Variants in NMBR observed in about 807,000 individuals in gnomAD.
NMBR encodes the protein neuromedin-B receptor.
Under a neutral mutation model 20.5 loss-of-function variants are expected in NMBR, and 16 were observed. That is an observed-to-expected ratio of 0.78 (90% CI 0.53 to 1.19). The LOEUF (loss-of-function observed/expected upper bound fraction) is 1.19, where lower values mean the gene tolerates loss of function less well. NMBR is among the 50% of genes most tolerant of loss of function. The pLI is 0.00. For synonymous variants in NMBR, 212 were observed against 196.6 expected (o/e 1.08, Z -0.65); for missense variants, 582 against 499.1 (o/e 1.17, Z -1.58).
intron 1 of NMBR, among the ~76,000 whole-genome samples, chr6:142,138,780 A>G (rs1006696754): frequency 2.6e-5 from 4 of 152,078 alleles, no homozygotes; most frequent in Admixed American, 1.3e-4. Context: ...GTACTTTTTT[A>G]TTGAATGTCA....
intron 1 of NMBR, among the ~76,000 whole-genome samples, chr6:142,123,437 T>C (rs1777979807): frequency 6.6e-6 from 1 of 151,976 alleles, no homozygotes; most frequent in Non-Finnish European, 1.5e-5. Context: ...ATTAACTTAG[T>C]ACATAAAGCA....
intron 1 of NMBR, among the ~76,000 whole-genome samples, chr6:142,129,293 C>T (rs975071200): frequency 7.9e-5 from 12 of 152,114 alleles, no homozygotes; most frequent in African/African-American, 2.9e-4. Flanking sequence ...AATCTGAGCT[C>T]GCCTTCCCTC....
chr6:142,146,310 C>G (rs951392983), intron 1 of NMBR, among the ~76,000 whole-genome samples: 2 of 152,184 alleles, frequency 1.3e-5, no homozygotes, highest in Middle Eastern at 3.4e-3. Context: ...GATTTTGGCT[C>G]TTGGGGATAG....
intron 1 of NMBR, among the ~76,000 whole-genome samples, chr6:142,114,852 C>A (rs1479744099): frequency 6.6e-6 from 1 of 151,972 alleles, no homozygotes; most frequent in Non-Finnish European, 1.5e-5. Flanking sequence ...ATATTCATAG[C>A]AACACTATGA....
At chr6:142,095,750 T>A (rs1207621899) in intron 1 of NMBR, among the ~76,000 whole-genome samples, 4 of 152,248 alleles carry the variant, frequency 2.6e-5, no homozygotes, top group Non-Finnish European at 5.9e-5. Flanking sequence ...CTTGTACCTC[T>A]GGTAGAATTC....
At chr6:142,125,571 C>T (rs922855337) in intron 1 of NMBR, among the ~76,000 whole-genome samples, 2 of 144,422 alleles carry the variant, frequency 1.4e-5, no homozygotes, top group Non-Finnish European at 3.1e-5. Flanking sequence ...ACACTGTTCT[C>T]ACAAATTTCT....
Position 142,088,365 on chromosome 6 carries a change from C to T in NMBR, c.294G>A (p.Pro98=), listed in dbSNP as rs370108261. The change falls in exon 2 of 4, where the codon CCG becomes CCA. Residue 98 remains proline, a synonymous_variant. Coordinates refer to ENST00000258042, the MANE Select transcript of NMBR (RefSeq NM_002511.4). The part of the protein sequence containing the change: ...GDLLLLLTCV[P]VDASRYFFDE... The stretch of plus-strand genomic sequence containing the variant: ...CGAAGAAGTAGCGCGAGGCGTCCAC[C>T]GGGACGCAGGTGAGCAGCAGCAGCA... The T allele has an allele frequency of 6.2e-6, 10 of 1,614,114 alleles. No homozygotes were observed. Among genetic ancestry groups the T allele is most frequent in the Non-Finnish European group, 8.5e-6 (10 of 1,180,014 alleles).
At chr6:142,078,518 T>C in intron 3 of NMBR, 37 bp downstream of exon 3, 2 of 1,194,060 alleles carry the variant, frequency 1.7e-6, no homozygotes, top group Non-Finnish European at 2.4e-6. Context: ...TTACTTGTTC[T>C]GACCACACAC....
At chr6:142,099,711 A>T (rs1421669885) in intron 1 of NMBR, among the ~76,000 whole-genome samples, 1 of 152,208 alleles carries the variant, frequency 6.6e-6, no homozygotes, top group Non-Finnish European at 1.5e-5. Flanking sequence ...ATACTTAATA[A>T]CTTATTCAAA....
At position 142,088,445 on chromosome 6, in the gene NMBR, T is replaced by C. The variant is rs1777243411; in HGVS notation, c.214A>G (p.Ser72Gly). Residue 72 changes from serine (S) to glycine (G), a missense_variant, in exon 2 of 4, where the codon AGC becomes GGC. By Grantham distance (56) the Ser-to-Gly change is moderately conservative. Transcript: ENST00000258042. ...IMLVKIFITN[S>G]AMRSVPNIFI... ...ATGTTGGGGACGCTCCTCATGGCGCTGTTGGTGATGAAGATCTTCACCAGC... is the reference window on the plus strand; with the variant it reads ...ATGTTGGGGACGCTCCTCATGGCGCCGTTGGTGATGAAGATCTTCACCAGC... The C allele has an allele frequency of 6.2e-7, 1 of 1,614,036 alleles. No homozygotes were observed. The highest frequency in any genetic ancestry group is 1.6e-4 in the Middle Eastern group (1 of 6,062).
At chr6:142,100,060 C>T (rs1027463109) in intron 1 of NMBR, among the ~76,000 whole-genome samples, 3 of 152,200 alleles carry the variant, frequency 2.0e-5, no homozygotes, top group African/African-American at 7.2e-5. Context: ...TTATTCAAAA[C>T]ACTGCCAACT....
chr6:142,076,255 A>G (rs968795959), intron 3 of NMBR, among the ~76,000 whole-genome samples: 3 of 152,208 alleles, frequency 2.0e-5, no homozygotes, highest in African/African-American at 7.2e-5. Context: ...GCATTAATAA[A>G]TATTTGACAG....
intron 1 of NMBR, among the ~76,000 whole-genome samples, chr6:142,089,881 C>A (rs1777289796): frequency 6.6e-6 from 1 of 152,194 alleles, no homozygotes; most frequent in Non-Finnish European, 1.5e-5. Context: ...GAATAAATCC[C>A]AGGTGTGGAT....
intron 2 of NMBR, among the ~76,000 whole-genome samples, chr6:142,087,900 C>G (rs953048150): frequency 1.3e-5 from 2 of 152,186 alleles, no homozygotes; most frequent in African/African-American, 4.8e-5. Context: ...AAAGCTTCAA[C>G]AAGATACTCG....
chr6:142,120,429 T>A (rs1472926962), intron 1 of NMBR, among the ~76,000 whole-genome samples: 5 of 151,822 alleles, frequency 3.3e-5, no homozygotes, highest in East Asian at 1.9e-4. Flanking sequence ...ATGGTTAGAA[T>A]TTGCTAAGAG....
intron 1 of NMBR, among the ~76,000 whole-genome samples, chr6:142,142,604 C>G (rs1031140375): frequency 3.3e-5 from 5 of 151,912 alleles, no homozygotes; most frequent in Non-Finnish European, 7.4e-5. Flanking sequence ...AGGCTTTCTA[C>G]TTTTTCCATT....
chr6:142,084,685 A>T (rs1024972592), intron 2 of NMBR, among the ~76,000 whole-genome samples: 4 of 152,222 alleles, frequency 2.6e-5, no homozygotes, highest in African/African-American at 9.6e-5. Context: ...TCCATTCCTA[A>T]GAGTTATTTG....
chr6:142,106,270 A>G (rs1562240625), intron 1 of NMBR, among the ~76,000 whole-genome samples: 1 of 152,172 alleles, frequency 6.6e-6, no homozygotes, highest in Non-Finnish European at 1.5e-5. Context: ...AGAGCAGGGA[A>G]GAAGGGGCTC....
intron 1 of NMBR, among the ~76,000 whole-genome samples, chr6:142,114,241 T>C (rs534644773): frequency 1.5e-4 from 23 of 152,318 alleles, no homozygotes; most frequent in Admixed American, 1.2e-3. Flanking sequence ...GCAATCTCCA[T>C]GGGTCAAGGC....
Sources: gnomAD v4.1 joint callset for allele counts (sites outside exome capture counted in the v4.1 genomes callset) on GRCh38, gnomAD v4.1.1 for gene constraint, MANE v1.5 for transcripts, NCBI Gene and HGNC (gene_info 2026-07-23, HGNC 2026-07-21) for gene names.